Variants in RAB11FIP3 observed in about 807,000 individuals in gnomAD.
The protein encoded by RAB11FIP3 is rab11 family-interacting protein 3.
A neutral mutation model predicts 77.8 loss-of-function variants in RAB11FIP3; 17 were observed. The ratio of observed to expected loss-of-function variants is 0.22; its 90% confidence interval spans 0.15 to 0.33. The LOEUF is 0.33. Ranked by LOEUF, RAB11FIP3 falls within the 10% of genes least tolerant of loss-of-function variation. The pLI is 1.00. For missense variants in RAB11FIP3, 1,005 were observed against 1,011.2 expected, an observed-to-expected ratio of 0.99 and a Z score of 0.08; for synonymous variants, 437 against 448.2, an observed-to-expected ratio of 0.98 and a Z score of 0.31.
chr16:520,314 C>A, intron 12 of RAB11FIP3, 37 bp downstream of exon 12: 1 of 1,548,758 alleles, frequency 6.5e-7, no homozygotes, highest in South Asian at 1.2e-5. Context: ...CACACTCCTG[C>A]AGAAGCTTCC....
chr16:491,013 C>T lies in RAB11FIP3; in HGVS notation c.1265+2013C>T, dbSNP rs2030131487. Reference sequence around the variant, plus strand: ...GCCAGAACATTGCACAGCTCATTCTCTCTCCACGTGCTTTTGTTCCACACC... The same window carrying T: ...GCCAGAACATTGCACAGCTCATTCTTTCTCCACGTGCTTTTGTTCCACACC... On this transcript the variant is annotated intron_variant, in intron 5 of 13. Transcript: ENST00000262305. The T allele has an allele frequency of 2.2e-6, 2 of 906,178 alleles. 1 individual carries two copies. Among genetic ancestry groups the T allele is most frequent in the South Asian group, 3.4e-5 (2 of 58,686 alleles). 56.1% of individuals were successfully genotyped at this position (906,178 alleles called of 1,614,324 possible).
chr16:452,505 G>T (rs1306934567), intron 1 of RAB11FIP3: 2 of 150,156 alleles, frequency 1.3e-5, no homozygotes, highest in African/African-American at 4.9e-5. Context: ...CATGATCTCG[G>T]CTCACTGCAA....
chr16:445,854 G>A (rs1251181060), intron 1 of RAB11FIP3, among the ~76,000 whole-genome samples: 4 of 152,168 alleles, frequency 2.6e-5, no homozygotes, highest in African/African-American at 7.2e-5. Context: ...GCTCCCTGGG[G>A]GAGGCAGATG....
chr16:430,934 C>T (rs1438923118), intron 1 of RAB11FIP3, among the ~76,000 whole-genome samples: 2 of 152,244 alleles, frequency 1.3e-5, no homozygotes, highest in South Asian at 2.1e-4. Flanking sequence ...CGACCGTCCT[C>T]GGGCCTCAGC....
chr16:476,573 G>A (rs1181692582), intron 3 of RAB11FIP3, among the ~76,000 whole-genome samples: 5 of 152,122 alleles, frequency 3.3e-5, no homozygotes, highest in African/African-American at 4.8e-5. Context: ...GGCCAGGGAA[G>A]GGCATCGGGC....
At chr16:475,935 C>T (rs1235697805) in intron 3 of RAB11FIP3, among the ~76,000 whole-genome samples, 3 of 152,116 alleles carry the variant, frequency 2.0e-5, no homozygotes, top group Non-Finnish European at 4.4e-5. Context: ...TGGCTCACTG[C>T]AACCTCCACC....
At chr16:511,382 T>C (rs1224414368) in intron 9 of RAB11FIP3, among the ~76,000 whole-genome samples, 51 of 72,154 alleles carry the variant, frequency 7.1e-4, no homozygotes, top group South Asian at 1.8e-3. Context: ...GCAGGCCAGG[T>C]AGGAGAGGTT....
chr16:474,854 G>T, intron 3 of RAB11FIP3: 2 of 1,449,090 alleles, frequency 1.4e-6, no homozygotes, highest in African/African-American at 1.4e-5. Context: ...AGGTTTATTA[G>T]AGCGTGTCTG....
At position 472,281 on chromosome 16, in the gene RAB11FIP3, A is replaced by G. The variant is rs547949465; in HGVS notation, c.903+892A>G. Among the ~76,000 whole-genome samples, 1 of 152,340 alleles carries G rather than the reference A, an allele frequency of 6.6e-6. No homozygotes were observed. Among genetic ancestry groups the G allele is most frequent in the Non-Finnish European group, 1.5e-5 (1 of 68,012 alleles). On this transcript the variant is annotated intron_variant, in intron 3 of 13. Coordinates refer to ENST00000262305, the MANE Select transcript of RAB11FIP3 (RefSeq NM_014700.4). This position sits in a 1 kb window ranked among gnomAD's most constrained non-coding sequence, Gnocchi z 4.1. ...ACCCTCACCCTTGGGTGGGCAGCTT[A>G]ACTTCTGCCCACACAGACCCTGGGG...
rs2055607323 is a variant in RAB11FIP3 at position 461,618 on chromosome 16, C to G, written c.808+121C>G. The G allele has an allele frequency of 2.1e-5, 15 of 722,376 alleles. No homozygotes were observed. The South Asian group carries it at 2.6e-4, about 12-fold the overall frequency. The allele number at this position is 722,376 out of a possible 1,614,324, so 44.7% of individuals were successfully genotyped here. A position where few individuals can be genotyped will look rare whatever the true frequency, so the allele number is the denominator to read the frequency against. Reference sequence around the variant, plus strand: ...AACATCTTTCCTTCTCCTTGAAGCCCCCAACATACCCCAGGTTTCCAGGTG... The same window carrying G: ...AACATCTTTCCTTCTCCTTGAAGCCGCCAACATACCCCAGGTTTCCAGGTG... On this transcript the variant is annotated intron_variant, in intron 2 of 13. Transcript: ENST00000262305. The surrounding 1 kb of genome is among the most constrained non-coding windows in gnomAD (Gnocchi z 4.5).
At chr16:462,612 C>T (rs746518124) in intron 2 of RAB11FIP3, among the ~76,000 whole-genome samples, 3 of 151,350 alleles carry the variant, frequency 2.0e-5, no homozygotes, top group East Asian at 1.9e-4. Flanking sequence ...TTCCCCAGCA[C>T]GATCCCTTCC....
chr16:491,114 G>A lies in RAB11FIP3; in HGVS notation c.1265+2114G>A, dbSNP rs138055428. ...CACGGGTCCTCATCCTCTCCTGAAC[G>A]GATGCTTCTGTCTCTCTAGCACTGA... is the stretch of plus-strand genomic sequence containing the variant. On this transcript the variant is annotated intron_variant, in intron 5 of 13. Coordinates refer to ENST00000262305, the MANE Select transcript of RAB11FIP3 (RefSeq NM_014700.4). The A allele has an allele frequency of 3.6e-4, 465 of 1,289,822 alleles. 2 individuals are homozygous for A. In the African/African-American group the frequency reaches 6.5e-3, roughly 18 times the overall value. The allele number at this position is 1,289,822 out of a possible 1,614,324, so 79.9% of individuals were successfully genotyped here. A position where few individuals can be genotyped will look rare whatever the true frequency, so the allele number is the denominator to read the frequency against.
chr16:461,623 C>A lies in RAB11FIP3; in HGVS notation c.808+126C>A. 2 of 716,662 alleles carry A rather than the reference C, an allele frequency of 2.8e-6. No homozygotes were observed. Among genetic ancestry groups the A allele is most frequent in the Non-Finnish European group, 4.6e-6 (2 of 431,994 alleles). The allele number at this position is 716,662 out of a possible 1,614,324, so 44.4% of individuals were successfully genotyped here. A position where few individuals can be genotyped will look rare whatever the true frequency, so the allele number is the denominator to read the frequency against. On this transcript the variant is annotated intron_variant, in intron 2 of 13. Transcript: ENST00000262305. This position sits in a 1 kb window ranked among gnomAD's most constrained non-coding sequence, Gnocchi z 4.5. ...CTTTCCTTCTCCTTGAAGCCCCCAA[C>A]ATACCCCAGGTTTCCAGGTGGTCTC... is the stretch of plus-strand genomic sequence containing the variant.
Position 522,044 on chromosome 16 carries a change from T to TGTGCGCGCGC in RAB11FIP3, c.*1205_*1206insGTGCGCGCGC, listed in dbSNP as rs58290701. 1 of 151,732 alleles carries TGTGCGCGCGC rather than the reference T, an allele frequency of 6.6e-6. No individual in the cohort carries two copies. Among genetic ancestry groups the TGTGCGCGCGC allele is most frequent in the African/African-American group, 2.4e-5 (1 of 41,226 alleles). The allele number at this position is 151,732 out of a possible 1,614,324, so 9.4% of individuals were successfully genotyped here. On this transcript the variant is annotated 3_prime_UTR_variant, in exon 14 of 14. Transcript: ENST00000262305. ...CGCTGCGTGTGTGTGCGCGCGCGTG[T>TGTGCGCGCGC]ACGTGTGGCCCCACATCCGCCGCCT...
chr16:509,228 G>T (rs1402708561), intron 8 of RAB11FIP3, among the ~76,000 whole-genome samples: 1 of 152,214 alleles, frequency 6.6e-6, no homozygotes, highest in Non-Finnish European at 1.5e-5. Flanking sequence ...TCCTTCCCAC[G>T]CTTTCAGTTC....
chr16:510,373 G>T, intron 8 of RAB11FIP3: 1 of 373,372 alleles, frequency 2.7e-6, no homozygotes, highest in Non-Finnish European at 4.9e-6. Flanking sequence ...TGAGTGCTGC[G>T]GTCCACAGGC....
chr16:495,824 G>A (rs2031075701), intron 5 of RAB11FIP3, among the ~76,000 whole-genome samples: 1 of 152,120 alleles, frequency 6.6e-6, no homozygotes, highest in Non-Finnish European at 1.5e-5. Context: ...GATCTCGGCT[G>A]ACTGCAACCT....
At position 482,693 on chromosome 16, in the gene RAB11FIP3, A is replaced by G. The variant is rs377133403; in HGVS notation, c.1072A>G (p.Met358Val). ...CGTGCCCTCTGAGTGCCTGGACGCC[A>G]TGGAGGAGCCCGACCATGGTGCCCT... is the stretch of plus-strand genomic sequence containing the variant. ...SAVPSECLDA[M>V]EEPDHGALLL... is the part of the protein sequence containing the mutation. Residue 358 changes from methionine (M) to valine (V), a missense_variant, in exon 4 of 14, where the codon ATG becomes GTG. Transcript: ENST00000262305. 62 of 1,611,754 alleles carry G rather than the reference A, an allele frequency of 3.8e-5. No individual in the cohort carries two copies. Among genetic ancestry groups the G allele is most frequent in the Non-Finnish European group, 5.1e-5 (60 of 1,179,730 alleles).
intron 3 of RAB11FIP3, among the ~76,000 whole-genome samples, chr16:475,942 C>T (rs2055899114): frequency 1.3e-5 from 2 of 152,266 alleles, no homozygotes; most frequent in East Asian, 1.9e-4. Flanking sequence ...CTGCAACCTC[C>T]ACCTCCCAGA....
Sources: allele counts gnomAD v4.1 joint callset (sites outside exome capture counted in the v4.1 genomes callset), GRCh38; gene constraint gnomAD v4.1.1; non-coding constraint Gnocchi (gnomAD v3.1); transcripts MANE v1.5; gene names NCBI Gene and HGNC (gene_info 2026-07-23, HGNC 2026-07-21).